The following DRC11 variants were observed in gnomAD, a reference collection of about 807,000 sequenced individuals.
The protein encoded by DRC11 is IQ and AAA domain-containing protein 1.
At chr2:236,372,712 C>T in the DRC11 span, among the ~76,000 whole-genome samples, 2 of 152,134 alleles carry the variant, frequency 1.3e-5, no homozygotes, top group East Asian at 1.9e-4. The surrounding 1 kb of genome is among the most constrained non-coding windows in gnomAD (Gnocchi z 4.5). Context: ...TAGGCTCAAG[C>T]GCTCCTCCTG....
At chr2:236,484,230 G>A in the DRC11 span, among the ~76,000 whole-genome samples, 1 of 152,164 alleles carries the variant, frequency 6.6e-6, no homozygotes, top group African/African-American at 2.4e-5. Flanking sequence ...TAAGTACACA[G>A]AATTGGCAAA....
At chr2:236,324,820 G>T in the DRC11 span, 5 of 1,439,308 alleles carry the variant, frequency 3.5e-6, no homozygotes, top group Admixed American at 9.5e-5. This position sits in a 1 kb window ranked among gnomAD's most constrained non-coding sequence, Gnocchi z 5.7. Context: ...AGGTCAGAAT[G>T]ACACCAATTC....
the DRC11 span, among the ~76,000 whole-genome samples, chr2:236,373,121 C>T: frequency 6.6e-6 from 1 of 151,790 alleles, no homozygotes; most frequent in Non-Finnish European, 1.5e-5. Context: ...CTCTTGTATT[C>T]ATTATAATTT....
chr2:236,490,481 C>A, the DRC11 span, among the ~76,000 whole-genome samples: 4 of 152,316 alleles, frequency 2.6e-5, no homozygotes, highest in Non-Finnish European at 5.9e-5. This position sits in a 1 kb window ranked among gnomAD's most constrained non-coding sequence, Gnocchi z 5.5. Context: ...TTGCAGTGAG[C>A]ACACATTTTC....
chr2:236,374,857 A>ATT, the DRC11 span, among the ~76,000 whole-genome samples: 35 of 125,934 alleles, frequency 2.8e-4, no homozygotes, highest in Non-Finnish European at 3.0e-4. Context: ...TGCCTGGCTA[A>ATT]TTTTTTTTTT....
chr2:236,423,496 A>G, the DRC11 span, among the ~76,000 whole-genome samples: 1 of 152,214 alleles, frequency 6.6e-6, no homozygotes, highest in Admixed American at 6.5e-5. Context: ...CAAAACCACA[A>G]TGAGATACCA....
chr2:236,442,205 GGAT>G, the DRC11 span, among the ~76,000 whole-genome samples: 1 of 152,096 alleles, frequency 6.6e-6, no homozygotes, highest in Admixed American at 6.6e-5. Flanking sequence ...AACATTTTAT[GGAT>G]AATAAATATA....
chr2:236,391,588 A>T, the DRC11 span: 2 of 205,392 alleles, frequency 9.7e-6, no homozygotes, highest in African/African-American at 4.6e-5. The surrounding 1 kb of genome is among the most constrained non-coding windows in gnomAD (Gnocchi z 4.5). Flanking sequence ...TCCTTTCCCT[A>T]TGATTCCCTC....
the DRC11 span, among the ~76,000 whole-genome samples, chr2:236,354,624 C>T: frequency 6.6e-6 from 1 of 152,130 alleles, no homozygotes; most frequent in African/African-American, 2.4e-5. Flanking sequence ...GCCCCCACCC[C>T]GAGTGTTTCT....
At chr2:236,336,074 T>G in the DRC11 span, among the ~76,000 whole-genome samples, 2 of 152,130 alleles carry the variant, frequency 1.3e-5, no homozygotes, top group African/African-American at 4.8e-5. This position sits in a 1 kb window ranked among gnomAD's most constrained non-coding sequence, Gnocchi z 7.3. Flanking sequence ...TGGGGGACGT[T>G]TTGAGGCCCT....
At chr2:236,459,714 T>A in the DRC11 span, among the ~76,000 whole-genome samples, 1 of 149,426 alleles carries the variant, frequency 6.7e-6, no homozygotes, top group Non-Finnish European at 1.5e-5. Context: ...CGTATATATA[T>A]GAGAGAAAAG....
At chr2:236,344,119 T>C in the DRC11 span, among the ~76,000 whole-genome samples, 4 of 151,972 alleles carry the variant, frequency 2.6e-5, no homozygotes, top group Non-Finnish European at 4.4e-5. Flanking sequence ...AAGGAAGCAA[T>C]TGAAAAAGGA....
At chr2:236,444,984 G>A in the DRC11 span, among the ~76,000 whole-genome samples, 16 of 152,176 alleles carry the variant, frequency 1.1e-4, no homozygotes, top group African/African-American at 3.1e-4. Context: ...AACTGACCAC[G>A]CTCCGCCACA....
chr2:236,417,674 T>G, the DRC11 span, among the ~76,000 whole-genome samples: 1 of 151,958 alleles, frequency 6.6e-6, no homozygotes, highest in Admixed American at 6.6e-5. Context: ...ACCCGTCATC[T>G]AGGTTTTAAG....
At chr2:236,505,092 G>A in the DRC11 span, among the ~76,000 whole-genome samples, 1 of 152,308 alleles carries the variant, frequency 6.6e-6, no homozygotes, top group East Asian at 1.9e-4. Flanking sequence ...CTACTTAACA[G>A]TTTTTGAAAG....
At chr2:236,322,167 A>G in the DRC11 span, among the ~76,000 whole-genome samples, 6 of 151,634 alleles carry the variant, frequency 4.0e-5, no homozygotes, top group African/African-American at 1.2e-4. Flanking sequence ...AGCCCCTCTC[A>G]GGTTTATTCT....
At chr2:236,336,514 C>T in the DRC11 span, among the ~76,000 whole-genome samples, 1 of 151,880 alleles carries the variant, frequency 6.6e-6, no homozygotes, top group African/African-American at 2.4e-5. This position sits in a 1 kb window ranked among gnomAD's most constrained non-coding sequence, Gnocchi z 7.3. Flanking sequence ...TCTGCTGCTC[C>T]TGCCACTGAC....
At chr2:236,377,486 T>C in the DRC11 span, among the ~76,000 whole-genome samples, 1 of 152,186 alleles carries the variant, frequency 6.6e-6, no homozygotes, top group Non-Finnish European at 1.5e-5. The surrounding 1 kb of genome is among the most constrained non-coding windows in gnomAD (Gnocchi z 4.9). Context: ...GTCTTCATGA[T>C]GGCACAAATA....
At chr2:236,360,107 C>T in the DRC11 span, among the ~76,000 whole-genome samples, 1 of 152,154 alleles carries the variant, frequency 6.6e-6, no homozygotes, top group African/African-American at 2.4e-5. The surrounding 1 kb of genome is among the most constrained non-coding windows in gnomAD (Gnocchi z 5.8). Flanking sequence ...CATCCTTGCT[C>T]TGTCCTAGAT....
Sources: allele counts gnomAD v4.1 joint callset (sites outside exome capture counted in the v4.1 genomes callset), GRCh38; gene constraint gnomAD v4.1.1; non-coding constraint Gnocchi (gnomAD v3.1); transcripts MANE v1.5; gene names NCBI Gene and HGNC (gene_info 2026-07-23, HGNC 2026-07-21).